The following BPTF variants were observed in gnomAD, a reference collection of about 807,000 sequenced individuals.
BPTF encodes the protein nucleosome-remodeling factor subunit BPTF.
In BPTF, 18 loss-of-function variants were observed where a neutral mutation model predicts 292.5. The observed-to-expected ratio is 0.06, with a 90% confidence interval of 0.04 to 0.09. The LOEUF is 0.09. Ranked by LOEUF, BPTF falls within the 10% of genes least tolerant of loss-of-function variation. The probability of loss-of-function intolerance (pLI) is 1.00; values close to 1 mark genes in which losing one functional copy is unlikely to be tolerated. For missense variants in BPTF, 2,726 were observed against 3,498.7 expected (o/e 0.78, Z 5.57); for synonymous variants, 1,225 against 1,251.9 (o/e 0.98, Z 0.45).
chr17:67,977,480 A>T (rs1266814118), intron 27 of BPTF, among the ~76,000 whole-genome samples: 2 of 152,020 alleles, frequency 1.3e-5, no homozygotes, highest in Non-Finnish European at 2.9e-5. Flanking sequence ...GCGCCACTGC[A>T]TTCCAGCCTT....
chr17:67,869,926 C>T (rs1377605116), intron 3 of BPTF, among the ~76,000 whole-genome samples: 2 of 147,370 alleles, frequency 1.4e-5, no homozygotes, highest in African/African-American at 2.5e-5. Flanking sequence ...GGCGTGAACC[C>T]GGGAGGCAGA....
At chr17:67,897,011 C>T (rs755105824) in intron 7 of BPTF, among the ~76,000 whole-genome samples, 2 of 151,832 alleles carry the variant, frequency 1.3e-5, no homozygotes, top group Non-Finnish European at 2.9e-5. Flanking sequence ...GGAAATAATA[C>T]AGCACAAATA....
At position 67,926,927 on chromosome 17, in the gene BPTF, C is replaced by CT. The variant is rs945261493; in HGVS notation, c.5752-1421dup. ...TGCCTCCCTCTTTTTTTTTTTCTTT[C>CT]TTTTTTTAACTGATTTAATCAGATG... is the stretch of plus-strand genomic sequence containing the variant. On this transcript the variant is annotated intron_variant, in intron 15 of 27. Coordinates refer to ENST00000306378, the MANE Select transcript of BPTF (RefSeq NM_182641.4). Among the ~76,000 whole-genome samples the CT allele has an allele frequency of 8.6e-5, 13 of 150,490 alleles. 1 individual carries two copies. Among genetic ancestry groups the CT allele is most frequent in the Admixed American group, 5.9e-4 (9 of 15,154 alleles).
At chr17:67,855,232 C>T (rs1346875948) in intron 2 of BPTF, among the ~76,000 whole-genome samples, 1 of 152,120 alleles carries the variant, frequency 6.6e-6, no homozygotes, top group Non-Finnish European at 1.5e-5. Flanking sequence ...ACCTGGGAGG[C>T]AGGGGCTGCA....
intron 4 of BPTF, 129 bp downstream of exon 4, chr17:67,875,149 G>T: frequency 1.3e-6 from 1 of 764,594 alleles, no homozygotes; most frequent in Admixed American, 2.9e-5. Context: ...AAGAGATCAG[G>T]ATACCGTCCC....
intron 1 of BPTF, among the ~76,000 whole-genome samples, chr17:67,846,779 C>A (rs749040447): frequency 6.6e-6 from 1 of 152,178 alleles, no homozygotes; most frequent in African/African-American, 2.4e-5. Context: ...GGGCTCACTG[C>A]AACCTCTGCC....
intron 27 of BPTF, among the ~76,000 whole-genome samples, chr17:67,979,627 T>C (rs1270073945): frequency 1.3e-5 from 2 of 152,200 alleles, no homozygotes; most frequent in African/African-American, 4.8e-5. Flanking sequence ...AATTTTTAAA[T>C]TATAGGGAAA....
chr17:67,859,860 A>G (rs906209731), intron 2 of BPTF, among the ~76,000 whole-genome samples: 1 of 152,222 alleles, frequency 6.6e-6, no homozygotes, highest in Non-Finnish European at 1.5e-5. Context: ...GCATTCAGGG[A>G]AGCAAAATAT....
intron 21 of BPTF, among the ~76,000 whole-genome samples, chr17:67,946,660 T>C (rs185280409): frequency 1.1e-4 from 16 of 152,256 alleles, no homozygotes; most frequent in African/African-American, 3.9e-4. Flanking sequence ...ATTATAGCAA[T>C]TCCTTTAAAG....
At chr17:67,936,187 T>C (rs1432788648) in intron 18 of BPTF, among the ~76,000 whole-genome samples, 2 of 152,210 alleles carry the variant, frequency 1.3e-5, no homozygotes, top group East Asian at 1.9e-4. Flanking sequence ...AATTCTAATA[T>C]GAAATATAGC....
At chr17:67,919,201 AATAATAATAATAATAAT>A (rs2063264533) in intron 12 of BPTF, among the ~76,000 whole-genome samples, 3 of 145,284 alleles carry the variant, frequency 2.1e-5, no homozygotes, top group African/African-American at 7.7e-5. Flanking sequence ...TAATAATAAT[AATAATAATAATAATAAT>A]AAAATATAAT....
At chr17:67,965,069 T>C (rs1318167106) in intron 25 of BPTF, 2 of 144,084 alleles carry the variant, frequency 1.4e-5, no homozygotes, top group Non-Finnish European at 3.0e-5. Flanking sequence ...GGACTGGGCG[T>C]GGTGGCTAAC....
At chr17:67,893,898 A>G in intron 6 of BPTF, 136 bp from the exon 7 acceptor site, 1 of 1,225,348 alleles carries the variant, frequency 8.2e-7, no homozygotes, top group Non-Finnish European at 1.2e-6. Context: ...AACCGACACC[A>G]CTAACTATTT....
At chr17:67,964,781 A>G (rs1259555701) in intron 25 of BPTF, among the ~76,000 whole-genome samples, 11 of 151,510 alleles carry the variant, frequency 7.3e-5, no homozygotes, top group Admixed American at 2.0e-4. Flanking sequence ...TGGGCGGATC[A>G]CAAGGTCAGG....
rs781217545 is a variant in BPTF at position 67,866,618 on chromosome 17, A to G, written c.1591A>G (p.Met531Val). The change falls in exon 3 of 28, where the codon ATG becomes GTG. Residue 531 changes from methionine (M) to valine (V), a missense_variant. By Grantham distance (21) the Met-to-Val change is conservative. Coordinates refer to ENST00000306378, the MANE Select transcript of BPTF (RefSeq NM_182641.4). ...EEMREEIHRH[M>V]DITEDLTNKA... ...AATGCGTGAAGAAATCCACCGACAC[A>G]TGGACATAACTGAAGACCTGACCAA... 6.2e-7 allele frequency: 1 copy of G among 1,614,018 alleles called. No homozygotes were observed. Among genetic ancestry groups the G allele is most frequent in the South Asian group, 1.1e-5 (1 of 91,080 alleles).
chr17:67,848,126 G>C (rs1035742148), intron 1 of BPTF, among the ~76,000 whole-genome samples: 1 of 151,964 alleles, frequency 6.6e-6, no homozygotes, highest in African/African-American at 2.4e-5. Flanking sequence ...ACATTATATA[G>C]AGAGTTGCCT....
In BPTF at chr17:67,844,073, T is replaced by C. The variant is rs1300403200; in HGVS notation, c.614-9867T>C. On this transcript the variant is annotated intron_variant, in intron 1 of 27. Coordinates refer to ENST00000306378, the MANE Select transcript of BPTF (RefSeq NM_182641.4). ...AGCCACCGTGCCCGGCCCCCGCCTT[T>C]TTTTTTTTTTTTTTTTTTTTTTTTA... Among the ~76,000 whole-genome samples, 5 of 73,016 alleles carry C rather than the reference T, an allele frequency of 6.8e-5. No homozygotes were observed. The East Asian group carries it at 4.3e-3, about 63-fold the overall frequency. 47.9% of individuals were successfully genotyped at this position (73,016 alleles called of 152,430 possible).
chr17:67,963,763 G>T (rs1267858653), intron 24 of BPTF, among the ~76,000 whole-genome samples: 1 of 152,138 alleles, frequency 6.6e-6, no homozygotes, highest in Non-Finnish European at 1.5e-5. Flanking sequence ...ATGTAACATA[G>T]AAATTAATGA....
chr17:67,894,024 T>C lies in BPTF; in HGVS notation c.2412-10T>C. Reference sequence around the variant, plus strand: ...GTGAAATAATTTCTCTCATTTCTTCTGAAATACAGGGCAAATTGGATCAAG... The same window carrying C: ...GTGAAATAATTTCTCTCATTTCTTCCGAAATACAGGGCAAATTGGATCAAG... On this transcript the variant is annotated splice_polypyrimidine_tract_variant and intron_variant, in intron 6 of 27. Transcript: ENST00000306378. 1 of 1,609,698 alleles carries C rather than the reference T, an allele frequency of 6.2e-7. No homozygotes were observed.
Sources: gnomAD v4.1 joint callset for allele counts (sites outside exome capture counted in the v4.1 genomes callset) on GRCh38, gnomAD v4.1.1 for gene constraint, MANE v1.5 for transcripts, NCBI Gene and HGNC (gene_info 2026-07-23, HGNC 2026-07-21) for gene names.